Variants in TRIQK observed in about 807,000 individuals in gnomAD.
TRIQK encodes triple QxxK/R motif containing.
A neutral mutation model predicts 10.8 loss-of-function variants in TRIQK; 10 were observed. The observed-to-expected ratio is 0.92, with a 90% confidence interval of 0.57 to 1.57. The LOEUF (loss-of-function observed/expected upper bound fraction) is 1.57, where lower values mean the gene tolerates loss of function less well. Ranked by LOEUF, TRIQK falls within the 40% of genes most tolerant of loss-of-function variation. TRIQK has a pLI of 0.00. For missense variants in TRIQK, 107 were observed against 97.7 expected (o/e 1.09, Z -0.40); for synonymous variants, 33 against 33.7 (o/e 0.98, Z 0.07).
chr8:92,885,231 A>G lies in TRIQK; in HGVS notation c.*1391T>C, dbSNP rs939732237. On this transcript the variant is annotated 3_prime_UTR_variant, in exon 5 of 5. Coordinates refer to ENST00000521988, the MANE Select transcript of TRIQK (RefSeq NM_001171797.2). ...CTACAGAACATAATGCTACACAGTC[A>G]CAGTCGACTTTTTGCAAAAGTACCA... is the stretch of plus-strand genomic sequence containing the variant. The G allele has an allele frequency of 1.2e-5, 4 of 325,394 alleles. No individual in the cohort carries two copies. Among genetic ancestry groups the G allele is most frequent in the Non-Finnish European group, 2.4e-5 (4 of 164,808 alleles). The allele number at this position is 325,394 out of a possible 1,614,324, so 20.2% of individuals were successfully genotyped here. A position where few individuals can be genotyped will look rare whatever the true frequency, so the allele number is the denominator to read the frequency against.
chr8:93,013,095 G>A lies in TRIQK; in HGVS notation c.-181+4514C>T, dbSNP rs537326945. ...CTAAATGTTTTCAGGATTACTCATG[G>A]TATACAATGAGAAGGTTTCTAAGAC... On this transcript the variant is annotated intron_variant, in intron 1 of 4. Transcript: ENST00000520686. 5.3e-5 allele frequency among the ~76,000 whole-genome samples: 8 copies of A among 152,250 alleles called. No individual in the cohort carries two copies. In the South Asian group the frequency reaches 1.7e-3, roughly 32 times the overall value.
chr8:92,905,061 A>G (rs916316091), intron 3 of TRIQK, among the ~76,000 whole-genome samples: 6 of 152,332 alleles, frequency 3.9e-5, no homozygotes, highest in African/African-American at 1.2e-4. Context: ...CTCTTCTACT[A>G]GGTATATGTT....
At position 92,885,690 on chromosome 8, in the gene TRIQK, G is replaced by A. The variant is rs1816441513; in HGVS notation, c.*932C>T. ...ATTTTCTCCCTAAAGAGTTCTAATT[G>A]ATTAAATCTCAAGAGACAAAATGTA... On this transcript the variant is annotated 3_prime_UTR_variant, in exon 5 of 5. Transcript: ENST00000521988. The A allele has an allele frequency of 6.6e-6, 1 of 151,652 alleles. No homozygotes were observed. Among genetic ancestry groups the A allele is most frequent in the South Asian group, 2.1e-4 (1 of 4,826 alleles). The allele number at this position is 151,652 out of a possible 1,614,324, so 9.4% of individuals were successfully genotyped here. A position where few individuals can be genotyped will look rare whatever the true frequency, so the allele number is the denominator to read the frequency against.
intron 1 of TRIQK, among the ~76,000 whole-genome samples, chr8:93,006,812 C>T (rs192291638): frequency 3.9e-5 from 6 of 152,310 alleles, no homozygotes; most frequent in African/African-American, 1.2e-4. Flanking sequence ...CTACAAGAAT[C>T]TCAGCAACTC....
chr8:92,957,026 T>C (rs1012949785), intron 1 of TRIQK, among the ~76,000 whole-genome samples: 6 of 151,784 alleles, frequency 4.0e-5, no homozygotes, highest in East Asian at 1.9e-4. Flanking sequence ...ACTGAGGAAA[T>C]TGAGTTTCCT....
At chr8:92,932,356 A>G (rs574500392) in intron 2 of TRIQK, among the ~76,000 whole-genome samples, 1 of 152,102 alleles carries the variant, frequency 6.6e-6, no homozygotes, top group African/African-American at 2.4e-5. Context: ...TCCTTTAACT[A>G]GCAAGTTTCT....
chr8:92,976,112 A>G (rs1218640740), intron 1 of TRIQK, among the ~76,000 whole-genome samples: 1 of 152,014 alleles, frequency 6.6e-6, no homozygotes, highest in Non-Finnish European at 1.5e-5. Flanking sequence ...TGTACACTTG[A>G]AAAGAATGCA....
At chr8:92,972,097 G>A (rs1464153450) in intron 1 of TRIQK, among the ~76,000 whole-genome samples, 2 of 151,954 alleles carry the variant, frequency 1.3e-5, no homozygotes, top group Non-Finnish European at 2.9e-5. Context: ...GATGTATTAT[G>A]CCTGTTGTTT....
At chr8:92,906,858 A>C (rs1013791322) in intron 3 of TRIQK, among the ~76,000 whole-genome samples, 2 of 151,552 alleles carry the variant, frequency 1.3e-5, no homozygotes, top group African/African-American at 4.9e-5. Context: ...GCGCCACTAC[A>C]CTCCAGCCTG....
intron 2 of TRIQK, among the ~76,000 whole-genome samples, chr8:92,949,544 G>C (rs1001357095): frequency 6.7e-6 from 1 of 150,038 alleles, no homozygotes; most frequent in Non-Finnish European, 1.5e-5. Context: ...AGGAAGGAAG[G>C]AAGGAAGGAA....
At chr8:92,916,566 G>C (rs1401775451) in intron 3 of TRIQK, among the ~76,000 whole-genome samples, 2 of 151,774 alleles carry the variant, frequency 1.3e-5, no homozygotes, top group Non-Finnish European at 2.9e-5. Context: ...TCAAATTATT[G>C]CCAATAAGAG....
At chr8:92,955,779 C>T (rs757878390) in intron 1 of TRIQK, among the ~76,000 whole-genome samples, 1 of 151,608 alleles carries the variant, frequency 6.6e-6, no homozygotes, top group Non-Finnish European at 1.5e-5. Flanking sequence ...GAACAATTTT[C>T]CAGAGAAGAC....
intron 2 of TRIQK, among the ~76,000 whole-genome samples, chr8:92,935,427 C>T (rs755063995): frequency 6.6e-6 from 1 of 151,492 alleles, no homozygotes; most frequent in Non-Finnish European, 1.5e-5. Context: ...GTTTTGTGCA[C>T]GTTCCTTTAT....
chr8:92,886,568 C>T lies in TRIQK; in HGVS notation c.*54G>A. On this transcript the variant is annotated 3_prime_UTR_variant, in exon 5 of 5. Coordinates refer to ENST00000521988, the MANE Select transcript of TRIQK (RefSeq NM_001171797.2). ...AGTTTCAGTATTGAAAGTTTTGGTCCCAAAAGGTGCTTTCGTAAAGTTATT... is the reference window on the plus strand; with the variant it reads ...AGTTTCAGTATTGAAAGTTTTGGTCTCAAAAGGTGCTTTCGTAAAGTTATT... 8.7e-7 allele frequency: 1 copy of T among 1,155,336 alleles called. No individual in the cohort carries two copies. Among genetic ancestry groups the T allele is most frequent in the South Asian group, 1.5e-5 (1 of 65,622 alleles). 71.6% of individuals were successfully genotyped at this position (1,155,336 alleles called of 1,614,324 possible). A position where few individuals can be genotyped will look rare whatever the true frequency, so the allele number is the denominator to read the frequency against.
Position 92,907,859 on chromosome 8 carries a change from T to C in TRIQK, c.61+9070A>G, listed in dbSNP as rs186492094. Among the ~76,000 whole-genome samples, 445 of 152,214 alleles carry C rather than the reference T, an allele frequency of 2.9e-3. 2 individuals are homozygous for C. The highest frequency in any genetic ancestry group is 5.3e-3 in the Admixed American group (81 of 15,288). On this transcript the variant is annotated intron_variant, in intron 3 of 4. Transcript: ENST00000521988. ...ACAAAGATAGCTACTAAAACAAATA[T>C]TAATATTGAGAGATATAAAAACATA...
At chr8:92,955,854 T>C (rs1812144053) in intron 1 of TRIQK, among the ~76,000 whole-genome samples, 1 of 151,624 alleles carries the variant, frequency 6.6e-6, no homozygotes, top group African/African-American at 2.4e-5. Flanking sequence ...AAAATCCAAA[T>C]AAAAACCACA....
chr8:92,939,772 C>CA (rs1811178120), intron 2 of TRIQK, among the ~76,000 whole-genome samples: 1 of 152,084 alleles, frequency 6.6e-6, no homozygotes, highest in Non-Finnish European at 1.5e-5. Flanking sequence ...TCCGAGAGGT[C>CA]AAACAGCCAC....
At chr8:92,939,547 C>A (rs1345104532) in intron 2 of TRIQK, among the ~76,000 whole-genome samples, 1 of 151,998 alleles carries the variant, frequency 6.6e-6, no homozygotes, top group Non-Finnish European at 1.5e-5. Flanking sequence ...AGCAATGGCT[C>A]CACACAACCA....
intron 1 of TRIQK, among the ~76,000 whole-genome samples, chr8:93,006,621 G>A (rs1233405850): frequency 1.3e-5 from 2 of 152,192 alleles, no homozygotes; most frequent in Admixed American, 6.5e-5. Flanking sequence ...GGCGGGGAGG[G>A]GCAGCAGCCA....
Sources: allele counts gnomAD v4.1 joint callset (sites outside exome capture counted in the v4.1 genomes callset), GRCh38; gene constraint gnomAD v4.1.1; transcripts MANE v1.5; gene names NCBI Gene and HGNC (gene_info 2026-07-23, HGNC 2026-07-21).